ELAVL4: variants seen among roughly 807,000 people sequenced by gnomAD.
ELAVL4 encodes the protein ELAV-like protein 4.
A neutral mutation model predicts 35.6 loss-of-function variants in ELAVL4; 1 was observed. The ratio of observed to expected loss-of-function variants is 0.03; its 90% confidence interval spans 0.01 to 0.13. The LOEUF (loss-of-function observed/expected upper bound fraction) is 0.13, where lower values mean the gene tolerates loss of function less well. Among genes scored for constraint, ELAVL4 ranks in the 10% least tolerant of loss-of-function variants. The probability of loss-of-function intolerance (pLI) is 1.00; values close to 1 mark genes in which losing one functional copy is unlikely to be tolerated. For synonymous variants in ELAVL4, 156 were observed against 171.0 expected, an observed-to-expected ratio of 0.91 and a Z score of 0.69; for missense variants, 267 against 464.9, an observed-to-expected ratio of 0.57 and a Z score of 3.91.
At chr1:50,066,818 T>C (rs1393345689) in intron 1 of ELAVL4, among the ~76,000 whole-genome samples, 1 of 152,098 alleles carries the variant, frequency 6.6e-6, no homozygotes, top group Non-Finnish European at 1.5e-5. Flanking sequence ...GTAGGTAGGG[T>C]CCTGAATGCA....
intron 2 of ELAVL4, among the ~76,000 whole-genome samples, chr1:50,160,864 A>G (rs1049915213): frequency 6.6e-6 from 1 of 152,194 alleles, no homozygotes; most frequent in Non-Finnish European, 1.5e-5. Flanking sequence ...TCCCAACATG[A>G]TATCAGGAGC....
At chr1:50,159,946 A>T (rs1240028958) in intron 2 of ELAVL4, among the ~76,000 whole-genome samples, 2 of 152,148 alleles carry the variant, frequency 1.3e-5, no homozygotes, top group African/African-American at 4.8e-5. Flanking sequence ...GAGGAACAGA[A>T]AATGATGCCA....
At chr1:50,051,428 G>A (rs1663377138) in intron 1 of ELAVL4, among the ~76,000 whole-genome samples, 1 of 152,130 alleles carries the variant, frequency 6.6e-6, no homozygotes, top group South Asian at 2.1e-4. Context: ...TCTTATTCTT[G>A]GGCCAAAGTA....
chr1:50,199,258 T>C (rs1370915968), intron 6 of ELAVL4, among the ~76,000 whole-genome samples: 2 of 152,246 alleles, frequency 1.3e-5, no homozygotes, highest in African/African-American at 2.4e-5. Context: ...TATTCTTTAA[T>C]AGGACTTTCA....
chr1:50,140,654 G>A (rs1049670556), intron 1 of ELAVL4, among the ~76,000 whole-genome samples: 10 of 151,834 alleles, frequency 6.6e-5, no homozygotes, highest in African/African-American at 2.4e-4. Context: ...CCTGTGAGGG[G>A]TCTTATTATA....
At chr1:50,106,067 T>C (rs577805498), upstream of ELAVL4, 1 of 406,432 alleles carries the variant, frequency 2.5e-6, no homozygotes, top group South Asian at 9.8e-5. Flanking sequence ...GGAAATACAA[T>C]TCACGCTTCC....
intron 2 of ELAVL4, among the ~76,000 whole-genome samples, chr1:50,172,578 T>C (rs1679212585): frequency 6.6e-6 from 1 of 152,192 alleles, no homozygotes; most frequent in African/African-American, 2.4e-5. Flanking sequence ...CTCATTTGTT[T>C]ACATACTGTC....
intron 1 of ELAVL4, among the ~76,000 whole-genome samples, chr1:50,080,032 G>A (rs1419036722): frequency 6.6e-6 from 1 of 152,130 alleles, no homozygotes; most frequent in Non-Finnish European, 1.5e-5. Flanking sequence ...TGAAATGACT[G>A]TTCTGAACTC....
chr1:50,102,790 T>A (rs1425386139), upstream of ELAVL4, among the ~76,000 whole-genome samples: 8 of 152,212 alleles, frequency 5.3e-5, no homozygotes, highest in Non-Finnish European at 1.0e-4. Context: ...AATGCAGGGA[T>A]CTTCAGAAAT....
At chr1:50,088,487 C>A (rs1345236322) in intron 1 of ELAVL4, among the ~76,000 whole-genome samples, 1 of 152,188 alleles carries the variant, frequency 6.6e-6, no homozygotes, top group Non-Finnish European at 1.5e-5. Flanking sequence ...AACTCAGAGG[C>A]TCTCATCTTC....
chr1:50,057,644 C>T (rs1458459633), intron 1 of ELAVL4, among the ~76,000 whole-genome samples: 2 of 152,178 alleles, frequency 1.3e-5, no homozygotes, highest in African/African-American at 4.8e-5. Flanking sequence ...ATTAACTAGT[C>T]ACATGCTGTC....
At chr1:50,068,361 T>G (rs775007454) in intron 1 of ELAVL4, among the ~76,000 whole-genome samples, 8 of 152,124 alleles carry the variant, frequency 5.3e-5, no homozygotes, top group Non-Finnish European at 1.0e-4. Flanking sequence ...TGAATCTCCA[T>G]ATTCTAGTAT....
At chr1:50,119,044 GAAAGA>G (rs1668525741) in intron 1 of ELAVL4, among the ~76,000 whole-genome samples, 7 of 79,840 alleles carry the variant, frequency 8.8e-5, no homozygotes, top group African/African-American at 4.1e-4. Context: ...GAAAAAGAAA[GAAAGA>G]AAGAAAGAAA....
At chr1:50,158,606 T>A (rs1004001006) in intron 2 of ELAVL4, among the ~76,000 whole-genome samples, 14 of 152,306 alleles carry the variant, frequency 9.2e-5, no homozygotes, top group African/African-American at 3.4e-4. Flanking sequence ...TGTACCAACA[T>A]GAAAATGTGT....
chr1:50,159,658 C>T (rs1676425838), intron 2 of ELAVL4, among the ~76,000 whole-genome samples: 1 of 151,970 alleles, frequency 6.6e-6, no homozygotes. Flanking sequence ...CTTCTCTGAA[C>T]CTGTGCTAAC....
At chr1:50,200,338 C>T (rs958183286) in intron 6 of ELAVL4, among the ~76,000 whole-genome samples, 3 of 152,076 alleles carry the variant, frequency 2.0e-5, no homozygotes, top group African/African-American at 7.2e-5. Flanking sequence ...TTCCCAAGCA[C>T]TGGCCAAAGT....
chr1:50,095,287 C>T, intron 1 of ELAVL4, among the ~76,000 whole-genome samples: 1 of 151,984 alleles, frequency 6.6e-6, no homozygotes, highest in African/African-American at 2.4e-5. Context: ...TTGCTGAGTT[C>T]CTTAGGAACT....
Position 50,145,113 on chromosome 1 carries a change from A to C in ELAVL4, c.166A>C (p.Asn56His). The change falls in exon 2 of 7, where the codon AAT becomes CAT. Residue 56 changes from asparagine to histidine, a missense_variant. Asn to His is a moderately conservative substitution (Grantham distance 68). Transcript: ENST00000371824. ...CCTCATCGTCAACTATTTACCCCAG[A>C]ATATGACCCAAGAAGAATTCAGGAG... ...TNLIVNYLPQ[N>H]MTQEEFRSLF... The C allele has an allele frequency of 1.9e-6, 3 of 1,614,042 alleles. No homozygotes were observed. Among genetic ancestry groups the C allele is most frequent in the Non-Finnish European group, 2.5e-6 (3 of 1,179,952 alleles).
At chr1:50,053,724 C>G (rs1158643854) in intron 1 of ELAVL4, among the ~76,000 whole-genome samples, 1 of 152,130 alleles carries the variant, frequency 6.6e-6, no homozygotes, top group Non-Finnish European at 1.5e-5. Flanking sequence ...GAACAAAACT[C>G]AGCTATCCCT....
Sources: gnomAD v4.1 joint callset for allele counts (sites outside exome capture counted in the v4.1 genomes callset) on GRCh38, gnomAD v4.1.1 for gene constraint, MANE v1.5 for transcripts, NCBI Gene and HGNC (gene_info 2026-07-23, HGNC 2026-07-21) for gene names.